CYP4V2: variants seen among roughly 807,000 people sequenced by gnomAD.
CYP4V2 encodes the protein cytochrome P450 family 4 subfamily V member 2, also known as cytochrome P450 4V2.
A neutral mutation model predicts 60.8 loss-of-function variants in CYP4V2; 55 were observed. The observed-to-expected ratio is 0.90, with a 90% CI of 0.73 to 1.13. The LOEUF (loss-of-function observed/expected upper bound fraction) is 1.13. CYP4V2 is among the 50% of genes most tolerant of loss of function. CYP4V2 has a pLI of 0.00. For missense variants in CYP4V2, 675 were observed against 662.9 expected (o/e 1.02, Z -0.20); for synonymous variants, 239 against 236.8 (o/e 1.01, Z -0.08).
intron 1 of CYP4V2, among the ~76,000 whole-genome samples, chr4:186,192,566 CAATT>C (rs1736022978): frequency 1.3e-5 from 2 of 152,320 alleles, no homozygotes; most frequent in African/African-American, 4.8e-5. Context: ...TACATAATAA[CAATT>C]AAGAGACGGC....
At chr4:186,201,505 C>A in intron 7 of CYP4V2, 163 bp downstream of exon 7, 1 of 811,388 alleles carries the variant, frequency 1.2e-6, no homozygotes, top group Non-Finnish European at 1.9e-6. Flanking sequence ...TGATTAAGTA[C>A]CAGCTCAACT....
rs538641934 is a variant in CYP4V2, at chr4:186,192,543, C to CT, written c.214+509dup. ...CCCGCTTGACCTTCATACTTTAGCC[C>CT]TTTAAAGGATGTTACATAATAACAA... On this transcript the variant is annotated intron_variant, in intron 1 of 10. Transcript: ENST00000378802. 2.0e-5 allele frequency among the ~76,000 whole-genome samples: 3 copies of CT among 152,318 alleles called. No homozygotes were observed. In the East Asian group the frequency reaches 5.8e-4, roughly 29 times the overall value.
At chr4:186,192,224 C>T (rs1182186748) in intron 1 of CYP4V2, 187 bp downstream of exon 1, 2 of 762,004 alleles carry the variant, frequency 2.6e-6, no homozygotes, top group Non-Finnish European at 4.5e-6. Context: ...GTGCCCCATC[C>T]CAAAGTGAGC....
intron 5 of CYP4V2, among the ~76,000 whole-genome samples, chr4:186,198,240 C>T (rs1336400039): frequency 2.0e-5 from 3 of 152,196 alleles, no homozygotes; most frequent in African/African-American, 7.2e-5. Context: ...TGTGATTTTC[C>T]AATCACTGCA....
chr4:186,192,212 T>C (rs771126287), intron 1 of CYP4V2, 175 bp downstream of exon 1: 4 of 805,842 alleles, frequency 5.0e-6, no homozygotes, highest in South Asian at 4.4e-5. Flanking sequence ...CCGACACTGC[T>C]AGTGCCCCAT....
At position 186,210,590 on chromosome 4, in the gene CYP4V2, A is replaced by G. The variant is rs527378526; in HGVS notation, c.1527A>G (p.Pro509=). 1.1e-5 allele frequency: 17 copies of G among 1,614,186 alleles called. No individual in the cohort carries two copies. Among genetic ancestry groups the G allele is most frequent in the East Asian group, 4.5e-5 (2 of 44,862 alleles). ...TAGAAGGACAGTTGATTCTTCGTCC[A>G]AGTAATGGCATCTGGATCAAGTTGA... The part of the protein sequence containing the change: ...LGLEGQLILR[P]SNGIWIKLKR... Residue 509 remains proline (P), a synonymous_variant, in exon 11 of 11, where the codon CCA becomes CCG. Transcript: ENST00000378802.
At chr4:186,200,088 T>C (rs1736263825) in intron 6 of CYP4V2, among the ~76,000 whole-genome samples, 1 of 59,026 alleles carries the variant, frequency 1.7e-5, no homozygotes, top group Admixed American at 1.4e-4. Context: ...TTAAATTTTG[T>C]GCATTAATAT....
rs72646263 is a variant in CYP4V2 at position 186,198,093 on chromosome 4, T to C, written c.674+491T>C. ...TAGTCATCGAAACAGTCAATTTTAC[T>C]CTAAAATTGCTTGCAATTATTCACC... On this transcript the variant is annotated intron_variant, in intron 5 of 10. Coordinates refer to ENST00000378802, the MANE Select transcript of CYP4V2 (RefSeq NM_207352.4). Among the ~76,000 whole-genome samples, 678 of 152,344 alleles carry C rather than the reference T, an allele frequency of 4.5e-3. 3 individuals carry two copies. Among genetic ancestry groups the C allele is most frequent in the African/African-American group, 0.016 (650 of 41,580 alleles).
rs766803737 is a variant in CYP4V2 at position 186,197,607 on chromosome 4, A to C, written c.674+5A>C. The stretch of plus-strand genomic sequence containing the variant: ...GTATGTCCGTGCAGTTTATAGGTAA[A>C]TGGAGTCCTTTCAGTTATTTTAACA... On this transcript the variant is annotated splice_donor_5th_base_variant and intron_variant, in intron 5 of 10. Transcript: ENST00000378802. The C allele has an allele frequency of 6.2e-7, 1 of 1,613,852 alleles. No homozygotes were observed. The highest frequency in any genetic ancestry group is 1.1e-5 in the South Asian group (1 of 91,074).
intron 7 of CYP4V2, 83 bp from the exon 8 acceptor site, chr4:186,205,117 G>A (rs1267208026): frequency 8.6e-6 from 11 of 1,275,592 alleles, no homozygotes; most frequent in Admixed American, 3.4e-5. Context: ...CAAATCCAGA[G>A]ACAATTCAAA....
At chr4:186,192,366 G>A (rs1736016879) in intron 1 of CYP4V2, 1 of 549,524 alleles carries the variant, frequency 1.8e-6, no homozygotes, top group Non-Finnish European at 3.5e-6. Flanking sequence ...CTTAGGAACA[G>A]AAGCTCCCTG....
chr4:186,211,632 A>G lies in CYP4V2; in HGVS notation c.*991A>G, dbSNP rs1042789464. On this transcript the variant is annotated 3_prime_UTR_variant, in exon 11 of 11. Coordinates refer to ENST00000378802, the MANE Select transcript of CYP4V2 (RefSeq NM_207352.4). Reference sequence around the variant, plus strand: ...TGGCCCAAAGTTCTAGAATTTTTTAAAGGTATTCATGGTGACTCAGGAATA... The same window carrying G: ...TGGCCCAAAGTTCTAGAATTTTTTAGAGGTATTCATGGTGACTCAGGAATA... The G allele has an allele frequency of 6.1e-5, 9 of 148,116 alleles. No homozygotes were observed. The highest frequency in any genetic ancestry group is 2.2e-4 in the African/African-American group (9 of 40,224). The allele number at this position is 148,116 out of a possible 1,614,324, so 9.2% of individuals were successfully genotyped here.
In CYP4V2 at chr4:186,209,006, A is replaced by G; in HGVS notation, c.1225+7A>G. On this transcript the variant is annotated splice_region_variant and intron_variant, in intron 9 of 10. Coordinates refer to ENST00000378802, the MANE Select transcript of CYP4V2 (RefSeq NM_207352.4). ...AGTGAAGATTGTGAAGTGGGTAAGT[A>G]TGCTATACCTAAAGTAGAAGGGAGA... is the stretch of plus-strand genomic sequence containing the variant. 2 of 1,614,134 alleles carry G rather than the reference A, an allele frequency of 1.2e-6. No individual in the cohort carries two copies. The highest frequency in any genetic ancestry group is 1.7e-6 in the Non-Finnish European group (2 of 1,180,010).
chr4:186,201,369 T>C (rs1736302620), intron 7 of CYP4V2, 27 bp downstream of exon 7: 1 of 1,608,324 alleles, frequency 6.2e-7, no homozygotes, highest in South Asian at 1.1e-5. Flanking sequence ...GGTTCAGATA[T>C]CATTAAACAA....
chr4:186,194,517 A>AT lies in CYP4V2; in HGVS notation c.234dup (p.Glu79Ter), dbSNP rs1190562381. On this transcript the variant is annotated frameshift_variant, in exon 2 of 11. Coordinates refer to ENST00000378802, the MANE Select transcript of CYP4V2 (RefSeq NM_207352.4). LOFTEE classifies it high-confidence loss of function. ...TTCCCCAGAATTTTTTCAGCAGATCATTGAGTACACAGAGGAATACCGCCA... is the reference window on the plus strand; with the variant it reads ...TTCCCCAGAATTTTTTCAGCAGATCATTTGAGTACACAGAGGAATACCGCCA... The AT allele has an allele frequency of 6.2e-7, 1 of 1,614,126 alleles. No individual in the cohort carries two copies. The highest frequency in any genetic ancestry group is 8.5e-7 in the Non-Finnish European group (1 of 1,179,994).
intron 1 of CYP4V2, 120 bp from the exon 2 acceptor site, chr4:186,194,380 T>C: frequency 1.1e-6 from 1 of 869,872 alleles, no homozygotes; most frequent in South Asian, 1.4e-5. Context: ...CCTGGCTTCC[T>C]CTAACAGTAA....
intron 5 of CYP4V2, among the ~76,000 whole-genome samples, chr4:186,197,907 A>G (rs1736203298): frequency 1.3e-5 from 2 of 152,232 alleles, no homozygotes; most frequent in African/African-American, 4.8e-5. Context: ...TACCATGATA[A>G]TTGTTATATT....
In CYP4V2 at chr4:186,198,952, T is replaced by G; in HGVS notation, c.675-5T>G. ...ACAGCTGATGTATTTTTATCCCATT[T>G]ATAGAATGAGTGAGATGATATTTCG... On this transcript the variant is annotated splice_polypyrimidine_tract_variant and splice_region_variant and intron_variant, in intron 5 of 10. Transcript: ENST00000378802. 6.2e-7 allele frequency: 1 copy of G among 1,614,058 alleles called. No homozygotes were observed. The highest frequency in any genetic ancestry group is 8.5e-7 in the Non-Finnish European group (1 of 1,179,986).
In CYP4V2 at chr4:186,195,347, G is replaced by A. The variant is rs1007138657; in HGVS notation, c.328-656G>A. ...AAGAAGGGCAGACAGGATTTCTGCC[G>A]CTGTTGGCCTAGTGTTAATAGAAGT... is the stretch of plus-strand genomic sequence containing the variant. On this transcript the variant is annotated intron_variant, in intron 2 of 10. Transcript: ENST00000378802. This position sits in a 1 kb window ranked among gnomAD's most constrained non-coding sequence, Gnocchi z 4.1. Among the ~76,000 whole-genome samples the A allele has an allele frequency of 2.0e-5, 3 of 152,188 alleles. No individual in the cohort carries two copies. Among genetic ancestry groups the A allele is most frequent in the South Asian group, 2.1e-4 (1 of 4,832 alleles).
Sources: gnomAD v4.1 joint callset for allele counts (sites outside exome capture counted in the v4.1 genomes callset) on GRCh38, gnomAD v4.1.1 for gene constraint, Gnocchi (gnomAD v3.1) non-coding constraint, MANE v1.5 for transcripts, NCBI Gene and HGNC (gene_info 2026-07-23, HGNC 2026-07-21) for gene names.